The following ABCC9 variants were observed in gnomAD, a reference collection of about 807,000 sequenced individuals.
ABCC9 encodes ATP binding cassette subfamily C member 9, also known as ATP-binding cassette sub-family C member 9.
In ABCC9, 95 loss-of-function variants were observed where a neutral mutation model predicts 188.3. That is an observed-to-expected ratio of 0.50 (90% CI 0.43 to 0.60). The LOEUF (loss-of-function observed/expected upper bound fraction) is 0.60, where lower values mean the gene tolerates loss of function less well. Ranked by LOEUF, ABCC9 falls within the 20% of genes least tolerant of loss-of-function variation. ABCC9 has a pLI of 0.00. For synonymous variants in ABCC9, 659 were observed against 652.7 expected (o/e 1.01, Z -0.15); for missense variants, 1,102 against 1,876.3 (o/e 0.59, Z 7.62).
intron 18 of ABCC9, among the ~76,000 whole-genome samples, chr12:21,870,777 A>G (rs1946032268): frequency 7.2e-6 from 1 of 139,140 alleles, no homozygotes; most frequent in Non-Finnish European, 1.7e-5. Context: ...TATCTTTCAA[A>G]CTCTACTATG....
At chr12:21,923,472 A>C (rs1462083946) in intron 5 of ABCC9, 1 of 187,502 alleles carries the variant, frequency 5.3e-6, no homozygotes, top group East Asian at 1.2e-4. Flanking sequence ...AAACATGGGC[A>C]AAAGATATGA....
intron 30 of ABCC9, among the ~76,000 whole-genome samples, chr12:21,829,466 G>A (rs1385974888): frequency 6.6e-6 from 1 of 152,124 alleles, no homozygotes; most frequent in Non-Finnish European, 1.5e-5. Context: ...CTCCCAAAGT[G>A]CTGGGATTAC....
At chr12:21,903,884 C>G (rs1321094284) in intron 12 of ABCC9, among the ~76,000 whole-genome samples, 2 of 152,122 alleles carry the variant, frequency 1.3e-5, no homozygotes, top group Non-Finnish European at 2.9e-5. Flanking sequence ...CAATGCTATC[C>G]CCATCAAGCT....
chr12:21,887,726 C>A (rs2137689993), intron 15 of ABCC9, 100 bp downstream of exon 15: 1 of 848,748 alleles, frequency 1.2e-6, no homozygotes. Flanking sequence ...GGGTTAAAAA[C>A]TAAAGCTTAT....
chr12:21,882,144 C>T (rs1946656323), intron 16 of ABCC9, among the ~76,000 whole-genome samples: 5 of 152,184 alleles, frequency 3.3e-5, no homozygotes, highest in Admixed American at 2.6e-4. Flanking sequence ...GTAGCCAATG[C>T]AGCCAGTTTG....
chr12:21,821,607 G>T (rs1452741783), intron 31 of ABCC9, among the ~76,000 whole-genome samples: 3 of 151,968 alleles, frequency 2.0e-5, no homozygotes, highest in Non-Finnish European at 2.9e-5. Flanking sequence ...TATAATAAAG[G>T]AAATGTAAAA....
intron 25 of ABCC9, among the ~76,000 whole-genome samples, 155 bp from the exon 26 acceptor site, chr12:21,845,987 T>G (rs924292520): frequency 6.6e-6 from 1 of 152,172 alleles, no homozygotes; most frequent in Non-Finnish European, 1.5e-5. Flanking sequence ...AAACCTTATT[T>G]CTTTCTGAAA....
At chr12:21,844,607 G>A (rs1463849627) in intron 27 of ABCC9, 55 bp from the exon 28 acceptor site, 4 of 1,575,866 alleles carry the variant, frequency 2.5e-6, no homozygotes, top group Middle Eastern at 1.7e-4. Context: ...TGGAACCTGG[G>A]CATTGCTAAT....
At chr12:21,870,061 C>T (rs903312395) in intron 18 of ABCC9, among the ~76,000 whole-genome samples, 1 of 152,086 alleles carries the variant, frequency 6.6e-6, no homozygotes, top group African/African-American at 2.4e-5. Flanking sequence ...ACATCCTTCA[C>T]CCCCTCCTGC....
intron 2 of ABCC9, among the ~76,000 whole-genome samples, chr12:21,939,841 A>G (rs576310792): frequency 6.6e-5 from 10 of 152,202 alleles, no homozygotes; most frequent in Non-Finnish European, 1.3e-4. Context: ...TAAAATAGAA[A>G]TACTCCTAAT....
At chr12:21,901,239 C>T (rs1194199216) in intron 12 of ABCC9, among the ~76,000 whole-genome samples, 1 of 152,116 alleles carries the variant, frequency 6.6e-6, no homozygotes, top group Non-Finnish European at 1.5e-5. Context: ...AAATACTTTA[C>T]AGATAAGCAA....
intron 18 of ABCC9, among the ~76,000 whole-genome samples, chr12:21,865,172 C>T (rs138982063): frequency 6.1e-4 from 93 of 152,106 alleles, no homozygotes; most frequent in African/African-American, 1.7e-3. Context: ...ACATTACAGA[C>T]GTGAATTCAA....
At chr12:21,851,501 G>A (rs111510890) in intron 24 of ABCC9, among the ~76,000 whole-genome samples, 1,879 of 152,184 alleles carry the variant, frequency 0.012, 42 homozygotes, top group African/African-American at 0.043. Context: ...TTGCTTATTT[G>A]TCAGGAGTTT....
At chr12:21,856,179 C>A (rs943902857) in intron 22 of ABCC9, among the ~76,000 whole-genome samples, 3 of 151,940 alleles carry the variant, frequency 2.0e-5, no homozygotes, top group Non-Finnish European at 2.9e-5. Context: ...TCAAATATAA[C>A]CTTTTCTACA....
chr12:21,869,762 C>G (rs777502250), intron 18 of ABCC9: 3 of 152,234 alleles, frequency 2.0e-5, no homozygotes, highest in Non-Finnish European at 2.9e-5. Context: ...ATACACAGGC[C>G]ACATTCTAGA....
intron 29 of ABCC9, among the ~76,000 whole-genome samples, chr12:21,840,287 C>CTCAT (rs1565724636): frequency 2.0e-5 from 3 of 152,162 alleles, no homozygotes; most frequent in African/African-American, 7.2e-5. Context: ...TTCTAAAGAA[C>CTCAT]CTCAACATCT....
At chr12:21,831,954 C>T (rs1943785315) in intron 30 of ABCC9, among the ~76,000 whole-genome samples, 1 of 152,158 alleles carries the variant, frequency 6.6e-6, no homozygotes, top group African/African-American at 2.4e-5. Flanking sequence ...GATATTGTTT[C>T]AGATCCACTC....
Position 21,925,660 on chromosome 12 carries a change from T to C in ABCC9, c.406+282A>G. 4.7e-6 allele frequency: 3 copies of C among 635,328 alleles called. No homozygotes were observed. The South Asian group carries it at 5.4e-5, about 11-fold the overall frequency. 39.4% of individuals were successfully genotyped at this position (635,328 alleles called of 1,614,324 possible). A position where few individuals can be genotyped will look rare whatever the true frequency, so the allele number is the denominator to read the frequency against. The stretch of plus-strand genomic sequence containing the variant: ...CTTCTGCAAGCCAGAAGGCCAGCCA[T>C]ATTTCCTCCACTTTCTTCCCCCACC... On this transcript the variant is annotated intron_variant, in intron 5 of 39. Transcript: ENST00000261200.
chr12:21,861,584 T>A (rs907794869), intron 20 of ABCC9, among the ~76,000 whole-genome samples: 1 of 152,018 alleles, frequency 6.6e-6, no homozygotes, highest in African/African-American at 2.4e-5. Context: ...GATACAAAAA[T>A]ATACGATGAA....
Sources: allele counts gnomAD v4.1 joint callset (sites outside exome capture counted in the v4.1 genomes callset), GRCh38; gene constraint gnomAD v4.1.1; transcripts MANE v1.5; gene names NCBI Gene and HGNC (gene_info 2026-07-23, HGNC 2026-07-21).